Variants in TIAM1 observed in about 807,000 individuals in gnomAD.
The protein encoded by TIAM1 is TIAM Rac1 associated GEF 1.
TIAM1 carries 65 observed loss-of-function variants against 163.5 expected under a neutral mutation model. That is an observed-to-expected ratio of 0.40 (90% confidence interval 0.33 to 0.49). The LOEUF (loss-of-function observed/expected upper bound fraction) is 0.49, where lower values mean the gene tolerates loss of function less well. Ranked by LOEUF, TIAM1 falls within the 20% of genes least tolerant of loss-of-function variation. The pLI is 0.77. For synonymous variants in TIAM1, 833 were observed against 810.1 expected (o/e 1.03, Z -0.48); for missense variants, 1,789 against 2,044.7 (o/e 0.87, Z 2.41).
chr21:31,170,955 G>A (rs1011484033), intron 15 of TIAM1, among the ~76,000 whole-genome samples: 1 of 142,394 alleles, frequency 7.0e-6, no homozygotes, highest in Non-Finnish European at 1.5e-5. Flanking sequence ...AGAACCGCTT[G>A]AACCCAAGAG....
chr21:31,387,227 G>T (rs1219129087), intron 2 of TIAM1, among the ~76,000 whole-genome samples: 17 of 128,618 alleles, frequency 1.3e-4, no homozygotes, highest in African/African-American at 3.0e-5. Context: ...TTTTGGAGGT[G>T]GGGGGCACAG....
At chr21:31,437,657 T>TGACA (rs2044258885) in intron 2 of TIAM1, among the ~76,000 whole-genome samples, 1 of 152,118 alleles carries the variant, frequency 6.6e-6, no homozygotes, top group Admixed American at 6.6e-5. Context: ...GTTGTTCTCA[T>TGACA]GACAGTGAGT....
At chr21:31,474,395 G>A (rs776982517) in intron 1 of TIAM1, among the ~76,000 whole-genome samples, 38 of 152,272 alleles carry the variant, frequency 2.5e-4, no homozygotes, top group Non-Finnish European at 4.9e-4. Flanking sequence ...ATGTGACCAT[G>A]GTCCAGCCCC....
At chr21:31,443,712 T>C (rs1180998215) in intron 2 of TIAM1, among the ~76,000 whole-genome samples, 1 of 152,230 alleles carries the variant, frequency 6.6e-6, no homozygotes, top group African/African-American at 2.4e-5. Context: ...TGAAATATAA[T>C]TTCTGATGTT....
chr21:31,252,613 G>C (rs985628782), intron 4 of TIAM1, among the ~76,000 whole-genome samples: 3 of 152,140 alleles, frequency 2.0e-5, no homozygotes, highest in African/African-American at 7.2e-5. Flanking sequence ...AATTGTTCCA[G>C]ACGTAGGGGG....
At chr21:31,318,069 C>T (rs2075187990) in intron 2 of TIAM1, among the ~76,000 whole-genome samples, 1 of 152,160 alleles carries the variant, frequency 6.6e-6, no homozygotes, top group Non-Finnish European at 1.5e-5. Flanking sequence ...AATTTGGGTA[C>T]AGCTCCCAGG....
intron 25 of TIAM1, among the ~76,000 whole-genome samples, chr21:31,129,013 C>T (rs2082312418): frequency 6.6e-6 from 1 of 152,146 alleles, no homozygotes; most frequent in Admixed American, 6.5e-5. Flanking sequence ...CTTGTAGATG[C>T]CAAAAGCATA....
At chr21:31,174,548 T>G (rs751984821) in intron 15 of TIAM1, among the ~76,000 whole-genome samples, 4 of 152,232 alleles carry the variant, frequency 2.6e-5, no homozygotes, top group African/African-American at 4.8e-5. Context: ...CACACGCACT[T>G]GGCTTTCTCC....
chr21:31,412,839 A>C (rs1178591001), intron 2 of TIAM1, among the ~76,000 whole-genome samples: 1 of 150,608 alleles, frequency 6.6e-6, no homozygotes, highest in Non-Finnish European at 1.5e-5. Context: ...CCTCGCTCGC[A>C]TGTGCAGTTC....
At chr21:31,160,684 T>G (rs1385604189) in intron 16 of TIAM1, 2 of 394,040 alleles carry the variant, frequency 5.1e-6, no homozygotes, top group Non-Finnish European at 8.9e-6. Context: ...GGTTTTCCCA[T>G]GAAAATCTAC....
intron 2 of TIAM1, among the ~76,000 whole-genome samples, chr21:31,384,228 T>C (rs2076827302): frequency 6.0e-5 from 9 of 150,264 alleles, no homozygotes; most frequent in Admixed American, 6.0e-4. Context: ...CTGAAGAGGA[T>C]GGAAATAGAA....
chr21:31,522,845 T>TTTCTCATATCTAACACTTA (rs1374592684), intron 1 of TIAM1, among the ~76,000 whole-genome samples: 1 of 152,238 alleles, frequency 6.6e-6, no homozygotes, highest in Non-Finnish European at 1.5e-5. Flanking sequence ...ACAACATTTT[T>TTTCTCATATCTAACACTTA]TTCTCATATC....
chr21:31,502,891 C>T (rs1028776175), intron 1 of TIAM1, among the ~76,000 whole-genome samples: 10 of 152,120 alleles, frequency 6.6e-5, no homozygotes, highest in South Asian at 2.1e-4. Context: ...AAGCAAGGCA[C>T]CCTCACATTC....
intron 2 of TIAM1, among the ~76,000 whole-genome samples, chr21:31,315,647 C>A (rs1256502043): frequency 7.4e-6 from 1 of 135,280 alleles, no homozygotes; most frequent in Non-Finnish European, 1.6e-5. Flanking sequence ...CTGCACTCCT[C>A]CAGCCTGGGC....
intron 2 of TIAM1, among the ~76,000 whole-genome samples, chr21:31,442,301 T>C (rs1160781373): frequency 6.8e-6 from 1 of 148,116 alleles, no homozygotes; most frequent in Non-Finnish European, 1.5e-5. Flanking sequence ...GGCACGATCT[T>C]GGCTCGCTGC....
intron 15 of TIAM1, among the ~76,000 whole-genome samples, chr21:31,176,048 G>GC (rs11396515): frequency 0.024 from 3,590 of 152,246 alleles, 129 homozygotes; most frequent in African/African-American, 0.081. Context: ...AGATTTGGCT[G>GC]CCCAGTGGCC....
chr21:31,555,577 A>C (rs1233849778), intron 1 of TIAM1, among the ~76,000 whole-genome samples: 2 of 152,104 alleles, frequency 1.3e-5, no homozygotes, highest in African/African-American at 4.8e-5. Context: ...CCAGAGGAAC[A>C]GAATTTTCTT....
At chr21:31,282,074 A>T (rs1003703603) in intron 2 of TIAM1, among the ~76,000 whole-genome samples, 3 of 152,272 alleles carry the variant, frequency 2.0e-5, no homozygotes, top group African/African-American at 7.2e-5. Flanking sequence ...GTTGAGCTAC[A>T]CATCTAGCTC....
At chr21:31,122,484 A>G (rs1191559595) in intron 27 of TIAM1, among the ~76,000 whole-genome samples, 3 of 152,198 alleles carry the variant, frequency 2.0e-5, no homozygotes, top group Non-Finnish European at 4.4e-5. Context: ...GAAATATGTC[A>G]AAAATAAGAT....
Sources: gnomAD v4.1 joint callset for allele counts (sites outside exome capture counted in the v4.1 genomes callset) on GRCh38, gnomAD v4.1.1 for gene constraint, MANE v1.5 for transcripts, NCBI Gene and HGNC (gene_info 2026-07-23, HGNC 2026-07-21) for gene names.